TENM1: variants seen among roughly 807,000 people sequenced by gnomAD.
TENM1 encodes teneurin transmembrane protein 1, also known as teneurin-1.
Under a neutral mutation model 174.8 loss-of-function variants are expected in TENM1, and 35 were observed. The ratio of observed to expected loss-of-function variants is 0.20; its 90% CI spans 0.15 to 0.27. TENM1 has a LOEUF of 0.27. TENM1 is among the 10% of genes least tolerant of loss of function. TENM1 has a pLI of 1.00. For synonymous variants in TENM1, 781 were observed against 798.7 expected, an observed-to-expected ratio of 0.98 and a Z score of 0.37; for missense variants, 1,633 against 2,130.1, an observed-to-expected ratio of 0.77 and a Z score of 4.59.
chrX:124,977,963 T>TGA, the TENM1 span, among the ~76,000 whole-genome samples: 12 of 40,641 alleles, frequency 3.0e-4, no homozygotes, highest in East Asian at 1.0e-3. Context: ...TGTGTGTGTG[T>TGA]GTGTGAGAGA....
chrX:124,809,591 T>G (rs1334366512), intron 3 of TENM1, among the ~76,000 whole-genome samples: 1 of 111,504 alleles, frequency 9.0e-6, no homozygotes, highest in Non-Finnish European at 1.9e-5. Context: ...TATGATAATT[T>G]CAATAAAAGC....
chrX:124,381,120 C>G (rs1367931431), exon 32 of TENM1: 1 of 1,211,488 alleles, frequency 8.3e-7, no homozygotes, highest in South Asian at 1.8e-5. Context: ...ACTATGCCAT[C>G]CTTGATGGCA....
rs922846250 is a variant in TENM1 at position 124,775,428 on chromosome X, C to T, written c.536-38231G>A. On this transcript the variant is annotated intron_variant, in intron 3 of 31. Coordinates refer to ENST00000422452, the Ensembl canonical transcript of TENM1. ...TATGAAACATGTGCCCCACTCCAAA[C>T]TCCATTACTGGTTTAAGCAAGTCAT... 2.7e-5 allele frequency among the ~76,000 whole-genome samples: 3 copies of T among 111,757 alleles called. No homozygotes were observed. In the Admixed American group the frequency reaches 2.8e-4, roughly 11 times the overall value.
At chrX:124,766,813 C>T (rs1454032661) in intron 3 of TENM1, among the ~76,000 whole-genome samples, 3 of 111,429 alleles carry the variant, frequency 2.7e-5, no homozygotes, top group Non-Finnish European at 5.7e-5. Flanking sequence ...AGAAAATCTT[C>T]ACCTGACTTA....
At chrX:125,154,896 C>T in the TENM1 span, among the ~76,000 whole-genome samples, 1,447 of 111,158 alleles carry the variant, frequency 0.013, 12 homozygotes, top group Non-Finnish European at 0.019. Flanking sequence ...CAGACCTTCG[C>T]AGTGAGTGTT....
At chrX:124,391,953 CTT>C (rs1400439831) in intron 28 of TENM1, 97 bp downstream of exon 31, 1 of 678,669 alleles carries the variant, frequency 1.5e-6, no homozygotes, top group Non-Finnish European at 2.2e-6. Context: ...GGAACACAGA[CTT>C]TTCTCCTGCA....
intron 23 of TENM1, among the ~76,000 whole-genome samples, chrX:124,434,135 T>TA (rs770683368): frequency 7.2e-5 from 8 of 111,513 alleles, no homozygotes; most frequent in African/African-American, 1.6e-4. Context: ...TCTTCAGTTT[T>TA]AAAAAAAATC....
chrX:124,633,644 C>G (rs1380563801), intron 11 of TENM1, among the ~76,000 whole-genome samples: 1 of 110,342 alleles, frequency 9.1e-6, no homozygotes, highest in African/African-American at 3.3e-5. Flanking sequence ...ATTAAATGAA[C>G]TTTTGTATAA....
the TENM1 span, among the ~76,000 whole-genome samples, chrX:125,064,842 C>T: frequency 9.0e-6 from 1 of 110,667 alleles, no homozygotes; most frequent in Non-Finnish European, 1.9e-5. Flanking sequence ...CTCCTGACCT[C>T]GGGATCCACT....
chrX:124,606,143 G>C (rs967265546), intron 11 of TENM1, among the ~76,000 whole-genome samples: 3 of 111,082 alleles, frequency 2.7e-5, no homozygotes, highest in Admixed American at 1.9e-4. Flanking sequence ...TTGGGATCCA[G>C]TTAAAAAATG....
the TENM1 span, among the ~76,000 whole-genome samples, chrX:124,982,756 C>T: frequency 8.9e-6 from 1 of 111,861 alleles, no homozygotes; most frequent in Admixed American, 9.5e-5. Context: ...TAAATCTTGC[C>T]TTACATGCCA....
At chrX:125,157,531 A>G in the TENM1 span, among the ~76,000 whole-genome samples, 1 of 112,120 alleles carries the variant, frequency 8.9e-6, no homozygotes, top group East Asian at 2.8e-4. Flanking sequence ...TACACTATGC[A>G]TGTGTAATAA....
At chrX:125,063,929 G>C in the TENM1 span, among the ~76,000 whole-genome samples, 18,084 of 110,052 alleles carry the variant, frequency 0.16, 1,271 homozygotes, top group Admixed American at 0.31. Context: ...AACAATGATA[G>C]ACTGGATTAA....
At chrX:124,869,598 T>C (rs2057071342) in intron 3 of TENM1, among the ~76,000 whole-genome samples, 1 of 110,986 alleles carries the variant, frequency 9.0e-6, no homozygotes, top group Non-Finnish European at 1.9e-5. Context: ...GGTGAATGAA[T>C]AAATAAAATG....
chrX:124,423,725 C>T (rs1226102043), intron 23 of TENM1, among the ~76,000 whole-genome samples: 1 of 111,073 alleles, frequency 9.0e-6, no homozygotes, highest in Non-Finnish European at 1.9e-5. Flanking sequence ...AGGTTAAAGA[C>T]AGCATGGCCC....
exon 27 of TENM1, chrX:124,405,166 C>T (rs995942705): frequency 8.3e-7 from 1 of 1,211,610 alleles, no homozygotes; most frequent in East Asian, 3.0e-5. Context: ...CTGCCCCTGC[C>T]AGGATGTGGG....
At chrX:125,067,264 T>A in the TENM1 span, among the ~76,000 whole-genome samples, 1 of 111,171 alleles carries the variant, frequency 9.0e-6, no homozygotes, top group Non-Finnish European at 1.9e-5. Flanking sequence ...AGTCAAGGGA[T>A]CTTGGGAAAA....
intron 23 of TENM1, among the ~76,000 whole-genome samples, chrX:124,426,449 A>G (rs762888064): frequency 2.3e-4 from 26 of 112,259 alleles, no homozygotes; most frequent in African/African-American, 7.4e-4. Context: ...CAGCTCAAAG[A>G]GGCTTACAAG....
chrX:124,928,541 A>T (rs2058123034), intron 1 of TENM1, among the ~76,000 whole-genome samples: 1 of 112,146 alleles, frequency 8.9e-6, no homozygotes, highest in Admixed American at 9.5e-5. Context: ...TGACTCAAAC[A>T]ATAGGTTTTC....
Sources: allele counts gnomAD v4.1 joint callset (sites outside exome capture counted in the v4.1 genomes callset), GRCh38; gene constraint gnomAD v4.1.1; transcripts MANE v1.5; gene names NCBI Gene and HGNC (gene_info 2026-07-23, HGNC 2026-07-21).